RNF43: variants seen among roughly 807,000 people sequenced by gnomAD.
RNF43 encodes ring finger protein 43.
In RNF43, 37 loss-of-function variants were observed where a neutral mutation model predicts 78.4. That is an observed-to-expected ratio of 0.47 (90% CI 0.36 to 0.62). The LOEUF (loss-of-function observed/expected upper bound fraction) is 0.62. Ranked by LOEUF, RNF43 falls within the 20% of genes least tolerant of loss-of-function variation. The pLI, the probability that RNF43 is intolerant of heterozygous loss-of-function variation, is 0.00. For synonymous variants in RNF43, 347 were observed against 395.0 expected (o/e 0.88, Z 1.44); for missense variants, 774 against 1,007.9 (o/e 0.77, Z 3.14).
chr17:58,402,260 T>C (rs1222008282), intron 2 of RNF43, among the ~76,000 whole-genome samples: 1 of 152,212 alleles, frequency 6.6e-6, no homozygotes, highest in Non-Finnish European at 1.5e-5. Flanking sequence ...TTTCTGGTGT[T>C]CCTGGAATCT....
At chr17:58,396,783 C>G (rs1023102145) in intron 2 of RNF43, among the ~76,000 whole-genome samples, 4 of 152,026 alleles carry the variant, frequency 2.6e-5, no homozygotes, top group African/African-American at 9.7e-5. Context: ...TACATCTATA[C>G]AATATATAGA....
chr17:58,406,020 A>C (rs1213855236), intron 2 of RNF43, among the ~76,000 whole-genome samples: 1 of 152,184 alleles, frequency 6.6e-6, no homozygotes, highest in African/African-American at 2.4e-5. Flanking sequence ...CTTTATAAAG[A>C]GGTGATATTG....
At chr17:58,411,852 A>G (rs1373016608) in intron 2 of RNF43, among the ~76,000 whole-genome samples, 1 of 152,216 alleles carries the variant, frequency 6.6e-6, no homozygotes, top group Non-Finnish European at 1.5e-5. Context: ...AAAAGAAACA[A>G]ACATTGATAA....
intron 3 of RNF43, among the ~76,000 whole-genome samples, chr17:58,367,792 T>C (rs985596766): frequency 6.6e-6 from 1 of 152,018 alleles, no homozygotes; most frequent in African/African-American, 2.4e-5. Context: ...ATAAGCGAGA[T>C]AACAAATGGA....
In RNF43 at chr17:58,358,365, AG is replaced by A; in HGVS notation, c.1410del (p.Cys471ValfsTer31). Reference sequence around the variant, plus strand: ...ACAGAGTCACTGGAAGAGCCATGACAGGGCCCTGAGCTGGAGTCACTGGCTG... The same window carrying A: ...ACAGAGTCACTGGAAGAGCCATGACAGGCCCTGAGCTGGAGTCACTGGCTG... Reference protein sequence around the residue: ...DGPASDSSSGPCHGSSSDSVV... With the variant: ...DGPASDSSSGXCHGSSSDSVV... On this transcript the variant is annotated frameshift_variant, in exon 9 of 10. Coordinates refer to ENST00000407977, the MANE Select transcript of RNF43 (RefSeq NM_017763.6). LOFTEE classifies it high-confidence loss of function. The surrounding 1 kb of genome is among the most constrained non-coding windows in gnomAD (Gnocchi z 6.2). 1.9e-6 allele frequency: 3 copies of A among 1,614,148 alleles called. No homozygotes were observed. The highest frequency in any genetic ancestry group is 2.5e-6 in the Non-Finnish European group (3 of 1,180,024).
At chr17:58,409,810 T>C (rs1436467432) in intron 2 of RNF43, among the ~76,000 whole-genome samples, 1 of 152,116 alleles carries the variant, frequency 6.6e-6, no homozygotes, top group African/African-American at 2.4e-5. Context: ...CGCTTGAGAC[T>C]AGGAGGTTGA....
chr17:58,360,284 T>C lies in RNF43; in HGVS notation c.850-33A>G, dbSNP rs1260117226. 6.5e-7 allele frequency: 1 copy of C among 1,541,770 alleles called. No individual in the cohort carries two copies. Among genetic ancestry groups the C allele is most frequent in the African/African-American group, 1.4e-5 (1 of 73,568 alleles). On this transcript the variant is annotated intron_variant, in intron 7 of 9. Coordinates refer to ENST00000407977, the MANE Select transcript of RNF43 (RefSeq NM_017763.6). The surrounding 1 kb of genome is among the most constrained non-coding windows in gnomAD (Gnocchi z 4.3). ...AAAAGAGGGGGTCCAAACCAAAGGC[T>C]TCTGTAGCCATAGGAATTGCCAGGA...
rs2143387904 is a variant in RNF43, at chr17:58,357,607, C to T, written c.2169G>A (p.Gln723=). 6.2e-7 allele frequency: 1 copy of T among 1,613,938 alleles called. No homozygotes were observed. The highest frequency in any genetic ancestry group is 8.5e-7 in the Non-Finnish European group (1 of 1,179,942). Reference sequence around the variant, plus strand: ...GAGGAGTCAGGCACAACCACACTGGCTGTGAATTTGAGTAACAGGGGCCTG... The same window carrying T: ...GAGGAGTCAGGCACAACCACACTGGTTGTGAATTTGAGTAACAGGGGCCTG... ...ETPGPCYSNS[Q]PVWLCLTPRQ... Residue 723 remains glutamine (Q), a synonymous_variant, in exon 9 of 10, where the codon CAG becomes CAA. Transcript: ENST00000407977. This position sits in a 1 kb window ranked among gnomAD's most constrained non-coding sequence, Gnocchi z 4.5.
chr17:58,395,420 C>T (rs549282181), intron 2 of RNF43, among the ~76,000 whole-genome samples: 2 of 152,306 alleles, frequency 1.3e-5, no homozygotes, highest in South Asian at 4.1e-4. Flanking sequence ...ACAGCAACAG[C>T]TATGAAATTA....
At chr17:58,406,231 T>G (rs1468392491) in intron 2 of RNF43, among the ~76,000 whole-genome samples, 1 of 152,212 alleles carries the variant, frequency 6.6e-6, no homozygotes, top group Non-Finnish European at 1.5e-5. Flanking sequence ...CTTAATGGAA[T>G]GTTCAGGGGG....
chr17:58,416,118 A>T, intron 1 of RNF43, 156 bp from the exon 2 acceptor site: 1 of 162,708 alleles, frequency 6.1e-6, no homozygotes, highest in East Asian at 1.3e-4. Flanking sequence ...CCACAAGGAG[A>T]TTTTTTTTTT....
At chr17:58,411,022 A>T (rs1023957253) in intron 2 of RNF43, among the ~76,000 whole-genome samples, 16 of 152,230 alleles carry the variant, frequency 1.1e-4, no homozygotes, top group Admixed American at 7.8e-4. Flanking sequence ...AGATAATAAT[A>T]GTTAATACTT....
At chr17:58,364,597 G>T (rs1371458946) in intron 3 of RNF43, among the ~76,000 whole-genome samples, 1 of 152,182 alleles carries the variant, frequency 6.6e-6, no homozygotes, top group African/African-American at 2.4e-5. Context: ...GGGCCTCCCG[G>T]CCTAGCACAG....
At chr17:58,363,062 T>C (rs964581973) in intron 5 of RNF43, 1 of 602,090 alleles carries the variant, frequency 1.7e-6, no homozygotes. Flanking sequence ...TAAAGAACTT[T>C]AGAACTCATC....
Position 58,357,066 on chromosome 17 carries a change from G to A in RNF43, c.2308+402C>T, listed in dbSNP as rs2143377985. 10 of 606,988 alleles carry A rather than the reference G, an allele frequency of 1.6e-5. No homozygotes were observed. The South Asian group carries it at 1.9e-4, about 12-fold the overall frequency. The allele number at this position is 606,988 out of a possible 1,614,324, so 37.6% of individuals were successfully genotyped here. ...CCGCCACCATACCCGGCTAATTTTT[G>A]TATTTTTAGTAGAGATAGGGTTTCA... On this transcript the variant is annotated intron_variant, in intron 9 of 9. Coordinates refer to ENST00000407977, the MANE Select transcript of RNF43 (RefSeq NM_017763.6). The surrounding 1 kb of genome is among the most constrained non-coding windows in gnomAD (Gnocchi z 4.5).
rs576134584 is a variant in RNF43 at position 58,383,639 on chromosome 17, T to C, written c.253-12606A>G. ...TTTTTTGTTTTTTGCATTTTGGTGT[T>C]TTTTTCTTTTTTCTGTTGCCCAGGC... is the stretch of plus-strand genomic sequence containing the variant. On this transcript the variant is annotated intron_variant, in intron 2 of 9. Transcript: ENST00000407977. Among the ~76,000 whole-genome samples, 3 of 152,106 alleles carry C rather than the reference T, an allele frequency of 2.0e-5. No individual in the cohort carries two copies. In the South Asian group the frequency reaches 6.2e-4, roughly 32 times the overall value.
intron 2 of RNF43, among the ~76,000 whole-genome samples, chr17:58,397,476 CATGGTG>C (rs1217816038): frequency 6.6e-6 from 1 of 152,040 alleles, no homozygotes; most frequent in Non-Finnish European, 1.5e-5. Context: ...GCCAGGCCAA[CATGGTG>C]AAACCCTGTC....
At chr17:58,383,799 G>A (rs573643009) in intron 2 of RNF43, among the ~76,000 whole-genome samples, 41 of 152,240 alleles carry the variant, frequency 2.7e-4, no homozygotes, top group African/African-American at 9.6e-4. Flanking sequence ...TGTACTTTTA[G>A]TAGAGATGGG....
chr17:58,370,508 G>A (rs906740813), intron 3 of RNF43, among the ~76,000 whole-genome samples: 1 of 152,208 alleles, frequency 6.6e-6, no homozygotes, highest in Admixed American at 6.5e-5. Flanking sequence ...CAACCTCAGG[G>A]GAAAAGTGTG....
Sources: allele counts gnomAD v4.1 joint callset (sites outside exome capture counted in the v4.1 genomes callset), GRCh38; gene constraint gnomAD v4.1.1; non-coding constraint Gnocchi (gnomAD v3.1); transcripts MANE v1.5; gene names NCBI Gene and HGNC (gene_info 2026-07-23, HGNC 2026-07-21).